The following PHACTR2 variants were observed in gnomAD, a reference collection of about 807,000 sequenced individuals.
PHACTR2 encodes the protein phosphatase and actin regulator 2.
In PHACTR2, 30 loss-of-function variants were observed where a neutral mutation model predicts 76.0. That is an observed-to-expected ratio of 0.39 (90% CI 0.30 to 0.54). The LOEUF (loss-of-function observed/expected upper bound fraction) is 0.54, where lower values mean the gene tolerates loss of function less well. Ranked by LOEUF, PHACTR2 falls within the 20% of genes least tolerant of loss-of-function variation. The pLI, the probability that PHACTR2 is intolerant of heterozygous loss-of-function variation, is 0.61. For synonymous variants in PHACTR2, 292 were observed against 292.5 expected, an observed-to-expected ratio of 1.00 and a Z score of 0.02; for missense variants, 696 against 781.1, an observed-to-expected ratio of 0.89 and a Z score of 1.30.
chr6:143,786,498 A>G (rs929219675), intron 10 of PHACTR2, among the ~76,000 whole-genome samples: 1 of 152,170 alleles, frequency 6.6e-6, no homozygotes, highest in Non-Finnish European at 1.5e-5. Flanking sequence ...CCCAGTTCCA[A>G]AGTTGATTCC....
chr6:143,572,293 T>A (rs1390899109), intron 1 of PHACTR2, among the ~76,000 whole-genome samples: 1 of 152,194 alleles, frequency 6.6e-6, no homozygotes, highest in Non-Finnish European at 1.5e-5. Context: ...GATAACAGCA[T>A]CTCTGTTTCT....
At chr6:143,705,812 C>T (rs547793364) in intron 1 of PHACTR2, among the ~76,000 whole-genome samples, 70 of 152,206 alleles carry the variant, frequency 4.6e-4, no homozygotes, top group Non-Finnish European at 7.1e-4. Context: ...GCATCTTCAC[C>T]GTAAAGCCAC....
intron 1 of PHACTR2, among the ~76,000 whole-genome samples, chr6:143,601,967 T>C (rs1775819162): frequency 6.6e-6 from 1 of 152,242 alleles, no homozygotes; most frequent in Non-Finnish European, 1.5e-5. Context: ...ATCATACAAC[T>C]TGTAATGACC....
rs9403518 is a variant in PHACTR2 at position 143,610,225 on chromosome 6, A to G, written c.13+1903A>G. On this transcript the variant is annotated intron_variant, in intron 1 of 11. Coordinates refer to the PHACTR2 transcript ENST00000305766. The surrounding 1 kb of genome is among the most constrained non-coding windows in gnomAD (Gnocchi z 4.9). ...AAATGTAAACATCCATTATATACAG[A>G]CATTTCAATACATTATATTGACTGT... 0.17 allele frequency among the ~76,000 whole-genome samples: 26,316 copies of G among 152,030 alleles called. 2,385 individuals are homozygous for G. Among genetic ancestry groups the G allele is most frequent in the East Asian group, 0.34 (1,744 of 5,158 alleles).
At position 143,764,304 on chromosome 6, in the gene PHACTR2, G is replaced by A. The variant is rs1175100338; in HGVS notation, c.695-957G>A. Reference sequence around the variant, plus strand: ...GGAGGCTGAGATGGGTGAATCCCTTGAGCCCAGGAGTTCAAGACCAGCCTG... The same window carrying A: ...GGAGGCTGAGATGGGTGAATCCCTTAAGCCCAGGAGTTCAAGACCAGCCTG... On this transcript the variant is annotated intron_variant, in intron 5 of 12. Coordinates refer to ENST00000440869, the MANE Select transcript of PHACTR2 (RefSeq NM_001100164.2). This position sits in a 1 kb window ranked among gnomAD's most constrained non-coding sequence, Gnocchi z 4.7. Among the ~76,000 whole-genome samples, 3 of 152,062 alleles carry A rather than the reference G, an allele frequency of 2.0e-5. No individual in the cohort carries two copies. The highest frequency in any genetic ancestry group is 4.4e-5 in the Non-Finnish European group (3 of 68,024).
rs931410461 is a variant in PHACTR2, at chr6:143,710,851, G to A, written c.47-1165G>A. Among the ~76,000 whole-genome samples the A allele has an allele frequency of 5.3e-5, 8 of 152,160 alleles. No homozygotes were observed. The highest frequency in any genetic ancestry group is 1.4e-4 in the African/African-American group (6 of 41,426). On this transcript the variant is annotated intron_variant, in intron 1 of 12. Coordinates refer to ENST00000440869, the MANE Select transcript of PHACTR2 (RefSeq NM_001100164.2). The surrounding 1 kb of genome is among the most constrained non-coding windows in gnomAD (Gnocchi z 4.9). The stretch of plus-strand genomic sequence containing the variant: ...AGAATTGGTATCACGCCTCATATGC[G>A]TATCTACCAGCTGGATTCAACACTT...
At chr6:143,756,911 G>T (rs1479034903) in intron 4 of PHACTR2, among the ~76,000 whole-genome samples, 1 of 152,050 alleles carries the variant, frequency 6.6e-6, no homozygotes, top group East Asian at 1.9e-4. Flanking sequence ...GCTGGGTGTG[G>T]TGGTGGGCAC....
chr6:143,563,653 A>C (rs1165948115), intron 1 of PHACTR2, among the ~76,000 whole-genome samples: 1 of 151,398 alleles, frequency 6.6e-6, no homozygotes, highest in Non-Finnish European at 1.5e-5. Context: ...ATATTCTCTT[A>C]TTTTTCTGCA....
In PHACTR2 at chr6:143,624,220, C is replaced by A. The variant is rs1776213896; in HGVS notation, c.13+15898C>A. 6.6e-6 allele frequency among the ~76,000 whole-genome samples: 1 copy of A among 152,106 alleles called. No individual in the cohort carries two copies. The highest frequency in any genetic ancestry group is 6.5e-5 in the Admixed American group (1 of 15,276). On this transcript the variant is annotated intron_variant, in intron 1 of 11. Transcript: ENST00000305766. The surrounding 1 kb of genome is among the most constrained non-coding windows in gnomAD (Gnocchi z 4.6). ...CCCCTGGGTTGAAGCAATTCTCCTG[C>A]CTCAGCTTCCCGAGTAGCTGGGATT...
At chr6:143,564,229 ATATATATG>A (rs1241922137) in intron 1 of PHACTR2, among the ~76,000 whole-genome samples, 3,503 of 107,704 alleles carry the variant, frequency 0.033, 185 homozygotes, top group South Asian at 0.086. Context: ...ATATATATAT[ATATATATG>A]TATGCCACTG....
chr6:143,702,434 T>C (rs1258908869), intron 1 of PHACTR2, among the ~76,000 whole-genome samples: 1 of 152,202 alleles, frequency 6.6e-6, no homozygotes, highest in Non-Finnish European at 1.5e-5. Flanking sequence ...CAAATAGTCT[T>C]ACTGCTATTT....
chr6:143,767,055 G>A lies in PHACTR2; in HGVS notation c.1232+1257G>A, dbSNP rs187051775. Among the ~76,000 whole-genome samples, 8 of 152,270 alleles carry A rather than the reference G, an allele frequency of 5.3e-5. No individual in the cohort carries two copies. In the East Asian group the frequency reaches 1.5e-3, roughly 29 times the overall value. The stretch of plus-strand genomic sequence containing the variant: ...CATTAATTAGGTTGGTTTTGGTCAA[G>A]AAACTAAAATATCAACTTTAATTCT... On this transcript the variant is annotated intron_variant, in intron 6 of 12. Coordinates refer to ENST00000440869, the MANE Select transcript of PHACTR2 (RefSeq NM_001100164.2). This position sits in a 1 kb window ranked among gnomAD's most constrained non-coding sequence, Gnocchi z 4.4.
At chr6:143,724,650 T>G (rs909879146) in intron 2 of PHACTR2, among the ~76,000 whole-genome samples, 5 of 152,198 alleles carry the variant, frequency 3.3e-5, no homozygotes, top group African/African-American at 7.2e-5. Context: ...CCTTTGGTTG[T>G]TTTTGGCAGC....
At position 143,706,005 on chromosome 6, in the gene PHACTR2, T is replaced by C. The variant is rs113031311; in HGVS notation, c.47-6011T>C. ...CATTTATTCATTCAATATTTATCTA[T>C]ATGAGTATGGATTTGTGGATGTTTA... On this transcript the variant is annotated intron_variant, in intron 1 of 12. Transcript: ENST00000440869. 1.5e-3 allele frequency among the ~76,000 whole-genome samples: 234 copies of C among 152,378 alleles called. 1 individual carries two copies. Among genetic ancestry groups the C allele is most frequent in the African/African-American group, 5.1e-3 (211 of 41,592 alleles).
rs376174253 is a variant in PHACTR2 at position 143,753,788 on chromosome 6, C to T, written c.330C>T (p.Asn110=). 1.1e-5 allele frequency: 17 copies of T among 1,601,392 alleles called. No homozygotes were observed. The highest frequency in any genetic ancestry group is 4.5e-5 in the East Asian group (2 of 44,434). The change falls in exon 4 of 13, where the codon AAC becomes AAT. Residue 110 remains asparagine (N), a synonymous_variant. Coordinates refer to ENST00000440869, the MANE Select transcript of PHACTR2 (RefSeq NM_001100164.2). The surrounding 1 kb of genome is among the most constrained non-coding windows in gnomAD (Gnocchi z 4.6). ...TAACAGTTAACTTTGAAAATTCAAA[C>T]GGGCACATGATACCCATCGGAGAGG... ...GDVTVNFENS[N]GHMIPIGEES... is the part of the protein sequence containing the mutation.
Position 143,775,771 on chromosome 6 carries a change from T to C in PHACTR2, c.1589+1556T>C, listed in dbSNP as rs1582869185. ...ATAATAGTGTTATCATAGTAAGGAG[T>C]AAAAAAGTGTGAAGTATCCTATACC... On this transcript the variant is annotated intron_variant, in intron 8 of 12. Transcript: ENST00000440869. The surrounding 1 kb of genome is among the most constrained non-coding windows in gnomAD (Gnocchi z 4.4). 2.0e-5 allele frequency among the ~76,000 whole-genome samples: 3 copies of C among 151,876 alleles called. No individual in the cohort carries two copies. In the South Asian group the frequency reaches 6.2e-4, roughly 32 times the overall value.
At chr6:143,681,616 C>G (rs1777390100) in intron 1 of PHACTR2, among the ~76,000 whole-genome samples, 1 of 151,950 alleles carries the variant, frequency 6.6e-6, no homozygotes, top group Non-Finnish European at 1.5e-5. Flanking sequence ...CAATTTTTTT[C>G]TTTTGTTGTT....
chr6:143,650,740 T>G (rs996509927), intron 1 of PHACTR2, among the ~76,000 whole-genome samples: 1 of 151,914 alleles, frequency 6.6e-6, no homozygotes, highest in Non-Finnish European at 1.5e-5. Context: ...TAGAAGAAAG[T>G]CTAGGCAATA....
chr6:143,669,139 C>A (rs1777099916), intron 1 of PHACTR2, among the ~76,000 whole-genome samples: 1 of 152,172 alleles, frequency 6.6e-6, no homozygotes, highest in Non-Finnish European at 1.5e-5. Context: ...ACCCAGTAGT[C>A]ATTCAGGAGC....
Sources: gnomAD v4.1 joint callset for allele counts (sites outside exome capture counted in the v4.1 genomes callset) on GRCh38, gnomAD v4.1.1 for gene constraint, Gnocchi (gnomAD v3.1) non-coding constraint, MANE v1.5 for transcripts, NCBI Gene and HGNC (gene_info 2026-07-23, HGNC 2026-07-21) for gene names.